The following CDK8 variants were observed in gnomAD, a reference collection of about 807,000 sequenced individuals.
CDK8 encodes cyclin dependent kinase 8.
A neutral mutation model predicts 71.5 loss-of-function variants in CDK8; 29 were observed. The observed-to-expected ratio is 0.41, with a 90% CI of 0.30 to 0.55. CDK8 has a LOEUF of 0.55. CDK8 is among the 20% of genes least tolerant of loss of function. CDK8 has a pLI of 0.37. For missense variants in CDK8, 288 were observed against 572.6 expected, an observed-to-expected ratio of 0.50 and a Z score of 5.07; for synonymous variants, 161 against 192.1, an observed-to-expected ratio of 0.84 and a Z score of 1.34.
In CDK8 at chr13:26,401,269, C is replaced by T. The variant is rs538431005; in HGVS notation, c.1032C>T (p.Asp344=). 2.0e-5 allele frequency: 32 copies of T among 1,612,244 alleles called. No individual in the cohort carries two copies. The highest frequency in any genetic ancestry group is 9.9e-5 in the South Asian group (9 of 90,986). The change falls in exon 11 of 13, where the codon GAC becomes GAT. Residue 344 remains aspartate (D), a splice_region_variant and synonymous_variant. Coordinates refer to ENST00000381527, the MANE Select transcript of CDK8 (RefSeq NM_001260.3). This position sits in a 1 kb window ranked among gnomAD's most constrained non-coding sequence, Gnocchi z 4.5. The part of the protein sequence containing the change: ...YFLEDPLPTS[D]VFAGCQIPYP... ...TGGTTTTTCTTTTTCTTATGATCAG[C>T]GTTTTTGCCGGTTGTCAAATCCCTT...
intron 1 of CDK8, among the ~76,000 whole-genome samples, chr13:26,301,327 C>T (rs1873816715): frequency 6.6e-6 from 1 of 151,100 alleles, no homozygotes. Context: ...TAGCTATGGC[C>T]TCATTGTTGA....
chr13:26,299,933 T>C (rs1429649439), intron 1 of CDK8, among the ~76,000 whole-genome samples: 2 of 152,192 alleles, frequency 1.3e-5, no homozygotes, highest in African/African-American at 2.4e-5. Context: ...AACAATTCTT[T>C]AAAAATATAA....
At chr13:26,353,028 G>C (rs1463129089) in intron 3 of CDK8, among the ~76,000 whole-genome samples, 1 of 152,168 alleles carries the variant, frequency 6.6e-6, no homozygotes, top group Admixed American at 6.5e-5. Flanking sequence ...AGATTTTCCT[G>C]CAATTTAAGA....
rs1875848405 is a variant in CDK8 at position 26,393,483 on chromosome 13, A to T, written c.763A>T (p.Ile255Leu). Residue 255 changes from isoleucine to leucine, a missense_variant, in exon 7 of 13, where the codon ATA becomes TTA. Around this residue, in one of 6 missense-constraint regions of CDK8, gnomAD observed 96 missense variants for 229.8 expected, o/e 0.42. Transcript: ENST00000381527. ...TTATCACCATGACCAGCTGGACAGA[A>T]TATTCAATGTAATGGGATTTCCTGC... ...NPYHHDQLDR[I>L]FNVMGFPADK... is the part of the protein sequence containing the mutation. The T allele has an allele frequency of 6.2e-7, 1 of 1,611,426 alleles. No homozygotes were observed. Among genetic ancestry groups the T allele is most frequent in the Non-Finnish European group, 8.5e-7 (1 of 1,178,582 alleles).
intron 1 of CDK8, among the ~76,000 whole-genome samples, chr13:26,305,621 T>A (rs1403173122): frequency 6.6e-6 from 1 of 152,212 alleles, no homozygotes; most frequent in Admixed American, 6.5e-5. Context: ...TTGTTTCTTA[T>A]CCTCTGCTTC....
intron 6 of CDK8, among the ~76,000 whole-genome samples, chr13:26,386,465 G>A (rs1875482140): frequency 1.3e-5 from 2 of 151,982 alleles, no homozygotes; most frequent in African/African-American, 4.8e-5. Context: ...TTCCTTTACT[G>A]GGTAACTGCA....
At chr13:26,343,510 C>T (rs778026446) in intron 2 of CDK8, among the ~76,000 whole-genome samples, 11 of 152,028 alleles carry the variant, frequency 7.2e-5, no homozygotes, top group Non-Finnish European at 1.2e-4. Flanking sequence ...TCTATGGATT[C>T]GCCCCAAATT....
chr13:26,294,836 G>A (rs112206356), intron 1 of CDK8, among the ~76,000 whole-genome samples: 21 of 152,032 alleles, frequency 1.4e-4, no homozygotes, highest in African/African-American at 4.3e-4. Context: ...TGCAACCTCC[G>A]CCTCCTGGGT....
chr13:26,385,456 T>A (rs7327769), intron 6 of CDK8, 114 bp downstream of exon 6: 5 of 816,114 alleles, frequency 6.1e-6, no homozygotes, highest in East Asian at 2.9e-5. Context: ...AAGAGCAGAC[T>A]GAGTGTGATG....
intron 4 of CDK8, among the ~76,000 whole-genome samples, chr13:26,374,197 T>A (rs1168409965): frequency 1.3e-5 from 2 of 151,724 alleles, no homozygotes; most frequent in African/African-American, 4.8e-5. Flanking sequence ...CGAGACTCCA[T>A]CTCAAAAAAA....
At chr13:26,398,206 C>T (rs1237441784) in intron 9 of CDK8, among the ~76,000 whole-genome samples, 1 of 152,156 alleles carries the variant, frequency 6.6e-6, no homozygotes, top group East Asian at 1.9e-4. Context: ...CATATTACCA[C>T]ACAATATATT....
intron 1 of CDK8, among the ~76,000 whole-genome samples, chr13:26,258,711 T>G (rs370935658): frequency 6.6e-6 from 1 of 152,122 alleles, no homozygotes; most frequent in African/African-American, 2.4e-5. Flanking sequence ...TCTAGTATTA[T>G]GATTTGAGGA....
At chr13:26,299,819 A>C (rs1191112857) in intron 1 of CDK8, among the ~76,000 whole-genome samples, 1 of 152,196 alleles carries the variant, frequency 6.6e-6, no homozygotes, top group Non-Finnish European at 1.5e-5. Flanking sequence ...TTTTTAAGGA[A>C]TAGAGGAGTA....
intron 1 of CDK8, among the ~76,000 whole-genome samples, chr13:26,278,890 A>T (rs764747457): frequency 2.6e-5 from 4 of 152,232 alleles, no homozygotes; most frequent in Non-Finnish European, 5.9e-5. Context: ...CCTAAACAAC[A>T]TAACAATTAT....
At chr13:26,258,902 A>G (rs1871647338) in intron 1 of CDK8, among the ~76,000 whole-genome samples, 1 of 152,074 alleles carries the variant, frequency 6.6e-6, no homozygotes, top group Non-Finnish European at 1.5e-5. Flanking sequence ...ACTTAACCCA[A>G]CATGTCTTAC....
chr13:26,396,247 A>T, intron 7 of CDK8, 38 bp from the exon 8 acceptor site: 1 of 888,986 alleles, frequency 1.1e-6, no homozygotes. Context: ...AAGAATAGGA[A>T]CTTAGGCAAC....
At chr13:26,400,598 G>A (rs376570954) in intron 10 of CDK8, 48 bp downstream of exon 10, 1 of 1,123,932 alleles carries the variant, frequency 8.9e-7, no homozygotes, top group Non-Finnish European at 1.4e-6. Flanking sequence ...AAGTTTTGGA[G>A]TATGCTTTCT....
At chr13:26,381,174 A>G (rs551881826) in intron 4 of CDK8, among the ~76,000 whole-genome samples, 41 of 152,348 alleles carry the variant, frequency 2.7e-4, no homozygotes, top group African/African-American at 9.4e-4. Context: ...TAGCATAAAC[A>G]TGGAAGTTTC....
chr13:26,398,102 C>T (rs1215668779), intron 9 of CDK8, among the ~76,000 whole-genome samples: 2 of 152,050 alleles, frequency 1.3e-5, no homozygotes, highest in Admixed American at 6.6e-5. Context: ...ACTGCTTCTC[C>T]TTCTGTATTT....
Sources: gnomAD v4.1 joint callset for allele counts (sites outside exome capture counted in the v4.1 genomes callset) on GRCh38, gnomAD v4.1.1 for gene constraint, gnomAD v4.1.1 regional missense constraint, Gnocchi (gnomAD v3.1) non-coding constraint, MANE v1.5 for transcripts, NCBI Gene and HGNC (gene_info 2026-07-23, HGNC 2026-07-21) for gene names.